Variants in UBA2 observed in about 807,000 individuals in gnomAD.
UBA2 encodes ubiquitin like modifier activating enzyme 2, also known as SUMO-activating enzyme subunit 2.
UBA2 carries 11 observed loss-of-function variants against 77.2 expected under a neutral mutation model. The ratio of observed to expected loss-of-function variants is 0.14; its 90% CI spans 0.09 to 0.24. UBA2 has a LOEUF of 0.24. Ranked by LOEUF, UBA2 falls within the 10% of genes least tolerant of loss-of-function variation. The pLI, the probability that UBA2 is intolerant of heterozygous loss-of-function variation, is 1.00. For synonymous variants in UBA2, 278 were observed against 276.7 expected, an observed-to-expected ratio of 1.00 and a Z score of -0.05; for missense variants, 487 against 781.7, an observed-to-expected ratio of 0.62 and a Z score of 4.50.
chr19:34,433,183 C>A, intron 3 of UBA2, 165 bp from the exon 4 acceptor site: 3 of 528,524 alleles, frequency 5.7e-6, no homozygotes, highest in Middle Eastern at 7.3e-4. Context: ...TCTTTAAAAT[C>A]TGCTTATGTT....
intron 14 of UBA2, among the ~76,000 whole-genome samples, chr19:34,463,813 C>T (rs1328624193): frequency 1.3e-5 from 2 of 148,412 alleles, no homozygotes; most frequent in Non-Finnish European, 3.0e-5. Flanking sequence ...AGAGCCCACC[C>T]TACTTGCCCC....
chr19:34,454,788 C>A (rs74551767), intron 12 of UBA2, among the ~76,000 whole-genome samples: 17 of 152,298 alleles, frequency 1.1e-4, no homozygotes, highest in Non-Finnish European at 1.8e-4. Flanking sequence ...TTACTGAATT[C>A]TTCGAAGAAT....
chr19:34,433,180 A>G lies in UBA2; in HGVS notation c.294-168A>G, dbSNP rs577698756. 11 of 526,984 alleles carry G rather than the reference A, an allele frequency of 2.1e-5. No homozygotes were observed. The South Asian group carries it at 2.9e-4, about 14-fold the overall frequency. 32.6% of individuals were successfully genotyped at this position (526,984 alleles called of 1,614,324 possible). ...AATTTGAAGGAAATAATTTCTTTAA[A>G]ATCTGCTTATGTTTGGAAAGAGTCA... On this transcript the variant is annotated intron_variant, in intron 3 of 16. Transcript: ENST00000246548.
chr19:34,469,569 T>G lies in UBA2; in HGVS notation c.*348T>G, dbSNP rs2075719668. 6.4e-6 allele frequency: 1 copy of G among 155,810 alleles called. No individual in the cohort carries two copies. Among genetic ancestry groups the G allele is most frequent in the East Asian group, 1.9e-4 (1 of 5,380 alleles). The allele number at this position is 155,810 out of a possible 1,614,324, so 9.7% of individuals were successfully genotyped here. ...AGTTGATACCTGGTTATAAATATTA[T>G]GCCTTTATTTTTGGCTAGAAGAAGA... On this transcript the variant is annotated 3_prime_UTR_variant, in exon 17 of 17. Coordinates refer to ENST00000246548, the MANE Select transcript of UBA2 (RefSeq NM_005499.3).
At chr19:34,455,159 A>G (rs7252173) in intron 12 of UBA2, among the ~76,000 whole-genome samples, 100,900 of 152,034 alleles carry the variant, frequency 0.66, 36,768 homozygotes, top group Non-Finnish European at 0.82. Context: ...GGCACTGCCA[A>G]TACAGGACCA....
chr19:34,449,818 C>G (rs1412173525), intron 8 of UBA2, among the ~76,000 whole-genome samples: 1 of 152,158 alleles, frequency 6.6e-6, no homozygotes, highest in African/African-American at 2.4e-5. Context: ...GTTTAAAAAT[C>G]TGTATACTTT....
At chr19:34,439,101 G>A (rs1489564635) in intron 6 of UBA2, among the ~76,000 whole-genome samples, 2 of 151,876 alleles carry the variant, frequency 1.3e-5, no homozygotes, top group Admixed American at 6.6e-5. Flanking sequence ...CCAGCTACTC[G>A]GGAGGCTGAG....
intron 2 of UBA2, 58 bp downstream of exon 2, chr19:34,430,717 A>G: frequency 7.3e-7 from 1 of 1,365,080 alleles, no homozygotes; most frequent in African/African-American, 1.4e-5. Flanking sequence ...TTGTGATACC[A>G]GATTAATCCT....
At chr19:34,456,901 G>C (rs1045021702) in intron 12 of UBA2, among the ~76,000 whole-genome samples, 21 of 151,810 alleles carry the variant, frequency 1.4e-4, no homozygotes, top group African/African-American at 4.8e-4. Context: ...TTTTATAGCA[G>C]CCTGAAGCTG....
intron 6 of UBA2, among the ~76,000 whole-genome samples, chr19:34,439,130 C>T (rs2075340816): frequency 1.3e-5 from 2 of 151,626 alleles, no homozygotes; most frequent in South Asian, 4.2e-4. Context: ...ATTGCTTGAA[C>T]CCAGGAGGTG....
chr19:34,463,262 A>C (rs1051639019), intron 14 of UBA2, among the ~76,000 whole-genome samples: 7 of 151,894 alleles, frequency 4.6e-5, no homozygotes, highest in Non-Finnish European at 7.4e-5. Context: ...GAATGGGGAA[A>C]AGTTTTCAGA....
intron 14 of UBA2, among the ~76,000 whole-genome samples, chr19:34,461,687 A>G (rs2075632708): frequency 1.3e-5 from 2 of 152,204 alleles, no homozygotes; most frequent in Non-Finnish European, 2.9e-5. Context: ...GGAGTCCTGT[A>G]TGACAGGCAT....
intron 2 of UBA2, 120 bp from the exon 3 acceptor site, chr19:34,431,741 C>T (rs947931244): frequency 1.8e-5 from 15 of 815,986 alleles, no homozygotes; most frequent in Non-Finnish European, 2.6e-5. Context: ...TTTTGGACTT[C>T]TTTGGTGTTT....
chr19:34,443,788 C>T, intron 6 of UBA2, 56 bp from the exon 7 acceptor site: 1 of 1,128,154 alleles, frequency 8.9e-7, no homozygotes, highest in Non-Finnish European at 1.4e-6. Flanking sequence ...TTCTAAATTA[C>T]ATGTTTGTTT....
chr19:34,460,706 T>G (rs929173471), intron 14 of UBA2, 140 bp downstream of exon 14: 2 of 584,430 alleles, frequency 3.4e-6, no homozygotes, highest in African/African-American at 3.9e-5. Flanking sequence ...TCTTTCAAGG[T>G]GACATTGCTG....
In UBA2 at chr19:34,445,016, C is replaced by T. The variant is rs2075413290; in HGVS notation, c.666C>T (p.Ala222=). 3.7e-6 allele frequency: 6 copies of T among 1,611,754 alleles called. No homozygotes were observed. Among genetic ancestry groups the T allele is most frequent in the African/African-American group, 1.3e-5 (1 of 74,762 alleles). Residue 222 remains alanine, a synonymous_variant, in exon 8 of 17, where the codon GCC becomes GCT. Coordinates refer to ENST00000246548, the MANE Select transcript of UBA2 (RefSeq NM_005499.3). ...DPEAAWEPTE[A]EARARASNED... ...GTTTTATAGGGGAACCAACGGAAGC[C>T]GAAGCCAGAGCTAGAGCATCTAATG...
intron 15 of UBA2, among the ~76,000 whole-genome samples, chr19:34,465,907 T>C (rs1335947183): frequency 6.6e-6 from 1 of 152,296 alleles, no homozygotes; most frequent in East Asian, 1.9e-4. Context: ...CCTTAAAACG[T>C]GTGTCTTTTG....
At chr19:34,453,957 G>C (rs946760056) in intron 10 of UBA2, among the ~76,000 whole-genome samples, 1 of 152,122 alleles carries the variant, frequency 6.6e-6, no homozygotes, top group Non-Finnish European at 1.5e-5. Flanking sequence ...AGATTCCGGT[G>C]TATACAACTG....
chr19:34,438,602 C>G, intron 5 of UBA2, 43 bp from the exon 6 acceptor site: 1 of 1,607,696 alleles, frequency 6.2e-7, no homozygotes, highest in Non-Finnish European at 8.5e-7. Context: ...TGTTGAGAAA[C>G]TGCCATCATG....
Sources: allele counts gnomAD v4.1 joint callset (sites outside exome capture counted in the v4.1 genomes callset), GRCh38; gene constraint gnomAD v4.1.1; transcripts MANE v1.5; gene names NCBI Gene and HGNC (gene_info 2026-07-23, HGNC 2026-07-21).